Variants in MYT1L observed in about 807,000 individuals in gnomAD.
MYT1L encodes the protein myelin transcription factor 1-like protein.
A neutral mutation model predicts 126.7 loss-of-function variants in MYT1L; 12 were observed. That is an observed-to-expected ratio of 0.09 (90% CI 0.06 to 0.15). The LOEUF (loss-of-function observed/expected upper bound fraction) is 0.15. Ranked by LOEUF, MYT1L falls within the 10% of genes least tolerant of loss-of-function variation. The pLI is 1.00. For synonymous variants in MYT1L, 541 were observed against 604.2 expected (o/e 0.90, Z 1.53); for missense variants, 979 against 1,585.2 (o/e 0.62, Z 6.49).
intron 9 of MYT1L, among the ~76,000 whole-genome samples, chr2:1,923,910 A>G (rs1434740253): frequency 1.3e-5 from 2 of 152,220 alleles, no homozygotes; most frequent in Admixed American, 6.5e-5. Flanking sequence ...AACAACAGAA[A>G]TTCCATAGTA....
intron 3 of MYT1L, among the ~76,000 whole-genome samples, chr2:2,132,896 G>A: frequency 6.6e-6 from 1 of 152,174 alleles, no homozygotes; most frequent in African/African-American, 2.4e-5. Context: ...TTTATTGGGT[G>A]TCTTGGTAAG....
At chr2:2,090,827 T>C (rs1180281145) in intron 3 of MYT1L, among the ~76,000 whole-genome samples, 1 of 152,196 alleles carries the variant, frequency 6.6e-6, no homozygotes, top group Non-Finnish European at 1.5e-5. Context: ...TTCAACAGTG[T>C]TTACAGCATC....
intron 3 of MYT1L, among the ~76,000 whole-genome samples, chr2:2,163,410 T>C (rs534969245): frequency 2.0e-5 from 3 of 152,150 alleles, no homozygotes; most frequent in Non-Finnish European, 4.4e-5. Flanking sequence ...TTATGTTGCC[T>C]GACAGTAGTT....
At chr2:1,856,609 CT>C (rs928329096) in intron 18 of MYT1L, among the ~76,000 whole-genome samples, 8 of 152,178 alleles carry the variant, frequency 5.3e-5, no homozygotes, top group Admixed American at 5.2e-4. Context: ...TGTCTACCGA[CT>C]GAGGCTGTAT....
chr2:1,812,619 T>C (rs1480934850), intron 21 of MYT1L, among the ~76,000 whole-genome samples: 2 of 152,098 alleles, frequency 1.3e-5, no homozygotes, highest in Non-Finnish European at 2.9e-5. Context: ...GGTTCATGCC[T>C]GTAATCCTAG....
intron 1 of MYT1L, among the ~76,000 whole-genome samples, chr2:2,329,834 C>T (rs1055073862): frequency 3.3e-5 from 5 of 152,118 alleles, no homozygotes; most frequent in Non-Finnish European, 5.9e-5. Flanking sequence ...TAGAATCATA[C>T]ATGTTCTTTT....
intron 18 of MYT1L, among the ~76,000 whole-genome samples, chr2:1,865,784 GT>G (rs2148660253): frequency 6.6e-6 from 1 of 152,212 alleles, no homozygotes; most frequent in Admixed American, 6.5e-5. Context: ...CACAAGGCGC[GT>G]GGTGGGTTAG....
At chr2:2,147,659 C>T (rs562453873) in intron 3 of MYT1L, among the ~76,000 whole-genome samples, 2 of 152,286 alleles carry the variant, frequency 1.3e-5, no homozygotes, top group East Asian at 3.9e-4. Flanking sequence ...GGACGGGGGG[C>T]GGGTGGGTGG....
At chr2:2,004,210 T>TTCTTTCCTGCATGC (rs1558696949) in intron 4 of MYT1L, among the ~76,000 whole-genome samples, 2 of 48,434 alleles carry the variant, frequency 4.1e-5, no homozygotes, top group Non-Finnish European at 8.0e-5. Context: ...TTCCTGAATG[T>TTCTTTCCTGCATGC]GTTCTTTCCT....
rs1423194358 is a variant in MYT1L at position 1,806,099 on chromosome 2, T to C, written c.3172+2977A>G. ...GTCCCCTGATGAGCAGCAGGAAAGG[T>C]CCCTGGACCCTTCCTGGATTAGCTA... On this transcript the variant is annotated intron_variant, in intron 22 of 24. Transcript: ENST00000647738. This position sits in a 1 kb window ranked among gnomAD's most constrained non-coding sequence, Gnocchi z 4.9. Among the ~76,000 whole-genome samples the C allele has an allele frequency of 6.6e-6, 1 of 151,868 alleles. No homozygotes were observed. Among genetic ancestry groups the C allele is most frequent in the Non-Finnish European group, 1.5e-5 (1 of 67,978 alleles).
intron 2 of MYT1L, among the ~76,000 whole-genome samples, chr2:2,180,614 G>A (rs2091330987): frequency 6.7e-6 from 1 of 148,600 alleles, no homozygotes; most frequent in African/African-American, 2.5e-5. Flanking sequence ...GTGTGCTTAT[G>A]TACCTGTGTG....
chr2:1,968,459 G>A (rs906849987), intron 8 of MYT1L, among the ~76,000 whole-genome samples: 2 of 152,178 alleles, frequency 1.3e-5, no homozygotes, highest in African/African-American at 4.8e-5. Context: ...GCATCCACGT[G>A]TATAGGAAGC....
chr2:2,053,884 A>T (rs556671466), intron 4 of MYT1L, 94 bp downstream of exon 4: 8 of 152,788 alleles, frequency 5.2e-5, no homozygotes, highest in African/African-American at 1.9e-4. Context: ...ACCTATATTT[A>T]TGCCTTTTCA....
chr2:1,909,978 C>A (rs1558362497), intron 13 of MYT1L, among the ~76,000 whole-genome samples: 1 of 152,200 alleles, frequency 6.6e-6, no homozygotes, highest in South Asian at 2.1e-4. Context: ...GGTCCAGAAA[C>A]AAAACCAGAA....
intron 4 of MYT1L, among the ~76,000 whole-genome samples, chr2:2,008,794 G>C (rs1010408626): frequency 6.6e-6 from 1 of 151,952 alleles, no homozygotes; most frequent in Non-Finnish European, 1.5e-5. Context: ...TTTTCTTCTT[G>C]GAGTTTTATG....
chr2:1,961,700 T>A (rs1176437672), intron 8 of MYT1L, among the ~76,000 whole-genome samples: 2 of 152,360 alleles, frequency 1.3e-5, no homozygotes, highest in Middle Eastern at 3.4e-3. Flanking sequence ...GGCACTTTTA[T>A]ACAATGATCC....
chr2:1,901,704 A>G (rs993119525), intron 14 of MYT1L, among the ~76,000 whole-genome samples: 7 of 152,200 alleles, frequency 4.6e-5, no homozygotes, highest in African/African-American at 1.7e-4. Context: ...GTGTACTGTG[A>G]TTTTAACTAA....
chr2:2,082,600 T>C (rs1358968645), intron 3 of MYT1L, among the ~76,000 whole-genome samples: 1 of 152,190 alleles, frequency 6.6e-6, no homozygotes, highest in Admixed American at 6.5e-5. Context: ...CATGTGAGAA[T>C]GTTTTATGGG....
chr2:2,292,041 C>T (rs2095607655), intron 1 of MYT1L, among the ~76,000 whole-genome samples: 1 of 152,226 alleles, frequency 6.6e-6, no homozygotes, highest in Admixed American at 6.5e-5. Flanking sequence ...GCGCTGCTCT[C>T]TGGGCCTGGG....
Sources: allele counts gnomAD v4.1 joint callset (sites outside exome capture counted in the v4.1 genomes callset), GRCh38; gene constraint gnomAD v4.1.1; non-coding constraint Gnocchi (gnomAD v3.1); transcripts MANE v1.5; gene names NCBI Gene and HGNC (gene_info 2026-07-23, HGNC 2026-07-21).